GALNT13: variants seen among roughly 807,000 people sequenced by gnomAD.
The protein encoded by GALNT13 is UDP-GalNAc:polypeptide N-acetylgalactosaminyltransferase 13.
GALNT13 carries 28 observed loss-of-function variants against 64.2 expected under a neutral mutation model. That is an observed-to-expected ratio of 0.44 (90% CI 0.32 to 0.60). The LOEUF (loss-of-function observed/expected upper bound fraction) is 0.60, where lower values mean the gene tolerates loss of function less well. Among genes scored for constraint, GALNT13 ranks in the 20% least tolerant of loss-of-function variants. The probability of loss-of-function intolerance (pLI) is 0.05; values close to 1 mark genes in which losing one functional copy is unlikely to be tolerated. For missense variants in GALNT13, 577 were observed against 669.8 expected, an observed-to-expected ratio of 0.86 and a Z score of 1.53; for synonymous variants, 214 against 224.6, an observed-to-expected ratio of 0.95 and a Z score of 0.42.
At chr2:154,150,536 T>G (rs1683934150) in intron 4 of GALNT13, among the ~76,000 whole-genome samples, 1 of 152,166 alleles carries the variant, frequency 6.6e-6, no homozygotes, top group African/African-American at 2.4e-5. Flanking sequence ...CTGGTAGAAT[T>G]CGGCTGTGAA....
At chr2:153,630,068 A>G in the GALNT13 span, among the ~76,000 whole-genome samples, 1 of 148,200 alleles carries the variant, frequency 6.7e-6, no homozygotes, top group Non-Finnish European at 1.5e-5. Context: ...AACTAGTTCA[A>G]CCATTGTGGA....
chr2:154,249,910 A>C (rs953384319), intron 7 of GALNT13, among the ~76,000 whole-genome samples: 1 of 152,144 alleles, frequency 6.6e-6, no homozygotes, highest in African/African-American at 2.4e-5. Context: ...AAATAAATCA[A>C]ATAACATCAT....
At chr2:153,234,906 C>A in the GALNT13 span, among the ~76,000 whole-genome samples, 1 of 152,148 alleles carries the variant, frequency 6.6e-6, no homozygotes, top group African/African-American at 2.4e-5. Context: ...TATTGTACTT[C>A]GTAGCATTTG....
At chr2:153,188,269 A>G in the GALNT13 span, among the ~76,000 whole-genome samples, 1 of 152,136 alleles carries the variant, frequency 6.6e-6, no homozygotes, top group Non-Finnish European at 1.5e-5. Context: ...TTTACCTCCT[A>G]TTGGGTGAAT....
the GALNT13 span, among the ~76,000 whole-genome samples, chr2:153,501,757 T>G: frequency 6.7e-6 from 1 of 149,960 alleles, no homozygotes; most frequent in Non-Finnish European, 1.5e-5. Context: ...AGAAAAAAAC[T>G]TTTTTTAAGA....
At chr2:154,236,128 T>TC in intron 4 of GALNT13, 1 of 1,139,128 alleles carries the variant, frequency 8.8e-7, no homozygotes, top group Non-Finnish European at 1.1e-6. Flanking sequence ...TTTCTGACTT[T>TC]CCCTGCTTTC....
At chr2:153,907,001 G>C (rs1217201111) in intron 2 of GALNT13, among the ~76,000 whole-genome samples, 2 of 152,130 alleles carry the variant, frequency 1.3e-5, no homozygotes, top group Admixed American at 6.6e-5. Context: ...GGCCAGTGAT[G>C]ATGAGCGTTT....
the GALNT13 span, among the ~76,000 whole-genome samples, chr2:153,134,137 G>A: frequency 1.3e-5 from 2 of 152,082 alleles, no homozygotes; most frequent in East Asian, 1.9e-4. Context: ...TTGAAAATTC[G>A]AAAAGACCAT....
At chr2:153,526,259 T>C in the GALNT13 span, among the ~76,000 whole-genome samples, 1 of 152,256 alleles carries the variant, frequency 6.6e-6, no homozygotes. Flanking sequence ...GACCCGGTGC[T>C]GTGCTGGGTT....
intron 3 of GALNT13, among the ~76,000 whole-genome samples, chr2:154,061,080 T>G (rs1700155965): frequency 1.3e-5 from 2 of 152,174 alleles, no homozygotes; most frequent in South Asian, 2.1e-4. Context: ...ATGTTCAAAC[T>G]TACAAAAAAG....
At chr2:154,083,109 C>A (rs1301557793) in intron 3 of GALNT13, among the ~76,000 whole-genome samples, 1 of 151,904 alleles carries the variant, frequency 6.6e-6, no homozygotes, top group African/African-American at 2.4e-5. Flanking sequence ...GGAAGGGGTC[C>A]AGTTTCAGTT....
chr2:153,497,522 A>ATTTTTTTATTTTTT, the GALNT13 span, among the ~76,000 whole-genome samples: 1 of 36,896 alleles, frequency 2.7e-5, no homozygotes, highest in Non-Finnish European at 4.8e-5. Flanking sequence ...TTTCTCCCGC[A>ATTTTTTTATTTTTT]TTTTTTTTTT....
chr2:154,194,407 G>C (rs945327562), intron 4 of GALNT13, among the ~76,000 whole-genome samples: 6 of 152,124 alleles, frequency 3.9e-5, no homozygotes, highest in African/African-American at 1.4e-4. Context: ...GAGTTGGGAA[G>C]AAGAGCCCAC....
the GALNT13 span, among the ~76,000 whole-genome samples, chr2:153,292,407 C>A: frequency 6.6e-6 from 1 of 152,100 alleles, no homozygotes; most frequent in East Asian, 1.9e-4. Flanking sequence ...AATAACAATG[C>A]CCTTCCGGAG....
the GALNT13 span, among the ~76,000 whole-genome samples, chr2:153,436,250 T>G: frequency 1.2e-4 from 18 of 152,346 alleles, no homozygotes; most frequent in African/African-American, 2.4e-4. Context: ...TTGAGGATTT[T>G]TGCATCGATG....
At chr2:153,992,535 T>C (rs1245655514) in intron 3 of GALNT13, among the ~76,000 whole-genome samples, 1 of 152,158 alleles carries the variant, frequency 6.6e-6, no homozygotes, top group Non-Finnish European at 1.5e-5. Flanking sequence ...AAAATACATG[T>C]ATGAACAAAG....
At chr2:153,345,699 CTTT>C in the GALNT13 span, among the ~76,000 whole-genome samples, 4 of 106,248 alleles carry the variant, frequency 3.8e-5, no homozygotes, top group African/African-American at 1.4e-4. Flanking sequence ...TTCTTTCTTT[CTTT>C]CTCTTTCTCT....
At chr2:153,339,546 T>G in the GALNT13 span, among the ~76,000 whole-genome samples, 1 of 152,204 alleles carries the variant, frequency 6.6e-6, no homozygotes, top group Non-Finnish European at 1.5e-5. Flanking sequence ...ACAAATATAT[T>G]CTCCTATTCT....
At chr2:154,019,566 C>T (rs12992927) in intron 3 of GALNT13, among the ~76,000 whole-genome samples, 27,857 of 147,630 alleles carry the variant, frequency 0.19, 3,313 homozygotes, top group Non-Finnish European at 0.26. Context: ...GCCAAGACTG[C>T]GCCACTGCAC....
Sources: gnomAD v4.1 joint callset for allele counts (sites outside exome capture counted in the v4.1 genomes callset) on GRCh38, gnomAD v4.1.1 for gene constraint, MANE v1.5 for transcripts, NCBI Gene and HGNC (gene_info 2026-07-23, HGNC 2026-07-21) for gene names.